The following ARCN1 variants were observed in gnomAD, a reference collection of about 807,000 sequenced individuals.
The protein encoded by ARCN1 is coatomer subunit delta.
Under a neutral mutation model 60.4 loss-of-function variants are expected in ARCN1, and 5 were observed. The observed-to-expected ratio is 0.08, with a 90% confidence interval of 0.04 to 0.17. The LOEUF (loss-of-function observed/expected upper bound fraction) is 0.17, where lower values mean the gene tolerates loss of function less well. Ranked by LOEUF, ARCN1 falls within the 10% of genes least tolerant of loss-of-function variation. ARCN1 has a pLI of 1.00. For synonymous variants in ARCN1, 224 were observed against 220.0 expected, an observed-to-expected ratio of 1.02 and a Z score of -0.16; for missense variants, 464 against 626.5, an observed-to-expected ratio of 0.74 and a Z score of 2.77.
At chr11:118,577,220 G>C (rs1470058735) in intron 1 of ARCN1, among the ~76,000 whole-genome samples, 1 of 151,858 alleles carries the variant, frequency 6.6e-6, no homozygotes, top group Admixed American at 6.6e-5. Context: ...ATCAAAGCAT[G>C]ATCTAAATTC....
intron 1 of ARCN1, among the ~76,000 whole-genome samples, chr11:118,575,212 T>G (rs1938463542): frequency 6.6e-6 from 1 of 152,134 alleles, no homozygotes; most frequent in Non-Finnish European, 1.5e-5. Context: ...TCTCCTCACC[T>G]CGTGATCTGC....
intron 1 of ARCN1, among the ~76,000 whole-genome samples, chr11:118,576,443 A>AAC (rs1555073656): frequency 6.8e-6 from 1 of 147,566 alleles, no homozygotes; most frequent in Admixed American, 6.7e-5. Flanking sequence ...AAAAAAAAAA[A>AAC]AAAAAACCAA....
chr11:118,574,591 C>A (rs1049080022), intron 1 of ARCN1, among the ~76,000 whole-genome samples: 1 of 151,778 alleles, frequency 6.6e-6, no homozygotes, highest in African/African-American at 2.4e-5. Flanking sequence ...GATATCAGTA[C>A]GTAAACATTG....
chr11:118,581,528 T>C lies in ARCN1; in HGVS notation c.267+19T>C, dbSNP rs782739403. 2 of 1,578,934 alleles carry C rather than the reference T, an allele frequency of 1.3e-6. No individual in the cohort carries two copies. Among genetic ancestry groups the C allele is most frequent in the East Asian group, 4.5e-5 (2 of 44,354 alleles). ...AAGAGTGGTAAGAGTACTGCTATAA[T>C]ACTGGGTTCCACTTTTTGTTTTACA... On this transcript the variant is annotated intron_variant, in intron 2 of 9. Coordinates refer to ENST00000264028, the MANE Select transcript of ARCN1 (RefSeq NM_001655.5).
chr11:118,584,755 TGATTTAAAA>T lies in ARCN1; in HGVS notation c.818+118_818+126del, dbSNP rs1938739454. ...TCTTTCTCTGTCTTTTAATCGTTCC[TGATTTAAAA>T]GATTTATTCAGAGCAGATTCTACAT... On this transcript the variant is annotated intron_variant, in intron 5 of 9. Transcript: ENST00000264028. 2.9e-6 allele frequency: 3 copies of T among 1,037,028 alleles called. 1 individual carries two copies. The highest frequency in any genetic ancestry group is 2.2e-4 in the Middle Eastern group (1 of 4,570). The allele number at this position is 1,037,028 out of a possible 1,614,324, so 64.2% of individuals were successfully genotyped here.
At position 118,590,546 on chromosome 11, in the gene ARCN1, C is replaced by T. The variant is rs1938881830; in HGVS notation, c.984+40C>T. 8 of 1,601,464 alleles carry T rather than the reference C, an allele frequency of 5.0e-6. No individual in the cohort carries two copies. The South Asian group carries it at 6.7e-5, about 13-fold the overall frequency. On this transcript the variant is annotated intron_variant, in intron 6 of 9. Transcript: ENST00000264028. ...TTGATAGGGAGTATTAACACTTTGTCTACCTATTATAGTCTTTCTCAACTA... is the reference window on the plus strand; with the variant it reads ...TTGATAGGGAGTATTAACACTTTGTTTACCTATTATAGTCTTTCTCAACTA...
At position 118,593,833 on chromosome 11, in the gene ARCN1, C is replaced by T. The variant is rs145676865; in HGVS notation, c.1241+135C>T. 475 of 539,808 alleles carry T rather than the reference C, an allele frequency of 8.8e-4. 2 individuals carry two copies. Among genetic ancestry groups the T allele is most frequent in the Middle Eastern group, 5.2e-3 (11 of 2,120 alleles). 33.4% of individuals were successfully genotyped at this position (539,808 alleles called of 1,614,324 possible). ...TTAAAAAGCTAGTTGTGAAAGAAGC[C>T]AGATACAAAAGGCTGCATGTTATGT... On this transcript the variant is annotated intron_variant, in intron 8 of 9. Coordinates refer to ENST00000264028, the MANE Select transcript of ARCN1 (RefSeq NM_001655.5).
chr11:118,599,235 G>A (rs1322509975), intron 9 of ARCN1, among the ~76,000 whole-genome samples: 5 of 151,010 alleles, frequency 3.3e-5, no homozygotes, highest in African/African-American at 1.2e-4. Flanking sequence ...TGGGACTACC[G>A]GCATGCGCCA....
intron 9 of ARCN1, among the ~76,000 whole-genome samples, chr11:118,598,408 A>G (rs1330413673): frequency 1.3e-5 from 2 of 152,142 alleles, no homozygotes; most frequent in African/African-American, 4.8e-5. Flanking sequence ...TATTAGTACA[A>G]ATAATCATGA....
At chr11:118,581,622 C>A in intron 2 of ARCN1, 113 bp downstream of exon 2, 1 of 1,056,896 alleles carries the variant, frequency 9.5e-7, no homozygotes, top group Non-Finnish European at 1.4e-6. Flanking sequence ...CTACTCCGCA[C>A]CCCAGCGACT....
At chr11:118,600,028 A>AT (rs1334381448) in intron 9 of ARCN1, among the ~76,000 whole-genome samples, 1 of 152,244 alleles carries the variant, frequency 6.6e-6, no homozygotes, top group African/African-American at 2.4e-5. Context: ...TTAGGACATT[A>AT]TAATTGCTCT....
At chr11:118,593,907 A>G (rs1244603497) in intron 8 of ARCN1, 2 of 395,232 alleles carry the variant, frequency 5.1e-6, no homozygotes, top group Admixed American at 7.3e-5. Context: ...TTGAATAAAA[A>G]TGAGGAGGTA....
At position 118,581,966 on chromosome 11, in the gene ARCN1, A is replaced by ACACACACACACACACACACACC. The variant is rs1472826072; in HGVS notation, c.267+458_267+459insACACACACACACACACACACCC. Among the ~76,000 whole-genome samples the ACACACACACACACACACACACC allele has an allele frequency of 9.3e-5, 14 of 150,016 alleles. No homozygotes were observed. The South Asian group carries it at 1.3e-3, about 14-fold the overall frequency. ...CACACACACACACACACACACACAC[A>ACACACACACACACACACACACC]CCTTTTAAGACTTTATGCCAAAGTC... On this transcript the variant is annotated intron_variant, in intron 2 of 9. Transcript: ENST00000264028.
intron 1 of ARCN1, among the ~76,000 whole-genome samples, chr11:118,578,890 T>C (rs1938586735): frequency 6.8e-6 from 1 of 147,354 alleles, no homozygotes; most frequent in East Asian, 2.0e-4. Context: ...TTTTTTTTTT[T>C]TTTTTTTTTT....
intron 1 of ARCN1, chr11:118,572,837 T>C (rs1938381484): frequency 4.7e-6 from 2 of 422,728 alleles, no homozygotes; most frequent in Non-Finnish European, 8.5e-6. Context: ...GCGTTTTTGC[T>C]CTGCGAGAAC....
chr11:118,596,340 A>G (rs1470397358), intron 8 of ARCN1, among the ~76,000 whole-genome samples: 2 of 152,186 alleles, frequency 1.3e-5, no homozygotes, highest in Non-Finnish European at 2.9e-5. Context: ...TAGACTATTT[A>G]TAGAATGCTA....
At position 118,583,172 on chromosome 11, in the gene ARCN1, C is replaced by T. The variant is rs552806597; in HGVS notation, c.268-7C>T. The T allele has an allele frequency of 9.6e-5, 155 of 1,613,736 alleles. 1 individual carries two copies. In the South Asian group the frequency reaches 1.1e-3, roughly 12 times the overall value. On this transcript the variant is annotated splice_region_variant and splice_polypyrimidine_tract_variant and intron_variant, in intron 2 of 9. Coordinates refer to ENST00000264028, the MANE Select transcript of ARCN1 (RefSeq NM_001655.5). ...AATCTTTCTTTTTTATTGGTGTCCA[C>T]GCTTAGATCCCTGAATATTGCCGAG...
intron 2 of ARCN1, among the ~76,000 whole-genome samples, chr11:118,582,086 G>A (rs1472456226): frequency 1.1e-4 from 16 of 152,158 alleles, no homozygotes; most frequent in Non-Finnish European, 1.9e-4. Flanking sequence ...TTGAGGCCAG[G>A]AGTTCAAGTG....
At chr11:118,572,836 C>G in intron 1 of ARCN1, 1 of 425,136 alleles carries the variant, frequency 2.4e-6, no homozygotes, top group Non-Finnish European at 4.2e-6. Flanking sequence ...GGCGTTTTTG[C>G]TCTGCGAGAA....
Sources: allele counts gnomAD v4.1 joint callset (sites outside exome capture counted in the v4.1 genomes callset), GRCh38; gene constraint gnomAD v4.1.1; transcripts MANE v1.5; gene names NCBI Gene and HGNC (gene_info 2026-07-23, HGNC 2026-07-21).